The following CPNE4 variants were observed in gnomAD, a reference collection of about 807,000 sequenced individuals.
CPNE4 encodes copine 4, also known as copine-4.
CPNE4 carries 25 observed loss-of-function variants against 67.9 expected under a neutral mutation model. The ratio of observed to expected loss-of-function variants is 0.37; its 90% CI spans 0.27 to 0.51. CPNE4 has a LOEUF of 0.51. CPNE4 is among the 20% of genes least tolerant of loss of function. The probability of loss-of-function intolerance (pLI) is 0.93; values close to 1 mark genes in which losing one functional copy is unlikely to be tolerated. For missense variants in CPNE4, 464 were observed against 690.8 expected, an observed-to-expected ratio of 0.67 and a Z score of 3.68; for synonymous variants, 242 against 244.9, an observed-to-expected ratio of 0.99 and a Z score of 0.11.
chr3:131,704,670 A>G (rs973516712), intron 3 of CPNE4, among the ~76,000 whole-genome samples: 3 of 152,306 alleles, frequency 2.0e-5, no homozygotes, highest in Non-Finnish European at 4.4e-5. Flanking sequence ...TGGAACACTT[A>G]ATGCTAATTA....
intron 2 of CPNE4, among the ~76,000 whole-genome samples, chr3:131,841,592 A>C (rs1341332262): frequency 1.3e-5 from 2 of 152,206 alleles, no homozygotes; most frequent in Non-Finnish European, 2.9e-5. Context: ...TCTGAGTCTG[A>C]AGTGGAACAG....
chr3:131,960,373 A>T (rs1200985294), intron 1 of CPNE4, among the ~76,000 whole-genome samples: 1 of 152,194 alleles, frequency 6.6e-6, no homozygotes. Context: ...CCAAAACTTT[A>T]GAGATAGATG....
At chr3:131,766,955 GT>G (rs1369688069) in intron 2 of CPNE4, among the ~76,000 whole-genome samples, 1 of 152,188 alleles carries the variant, frequency 6.6e-6, no homozygotes, top group East Asian at 1.9e-4. Flanking sequence ...CAAATAACAT[GT>G]TGCTAACATT....
At chr3:131,891,087 G>A (rs887883444) in intron 2 of CPNE4, among the ~76,000 whole-genome samples, 4 of 151,870 alleles carry the variant, frequency 2.6e-5, no homozygotes, top group Non-Finnish European at 4.4e-5. Context: ...TCATGTTAAG[G>A]GTTCTTAGCA....
intron 1 of CPNE4, among the ~76,000 whole-genome samples, chr3:131,963,632 G>A (rs186072900): frequency 3.9e-5 from 6 of 152,264 alleles, no homozygotes; most frequent in Admixed American, 1.3e-4. Flanking sequence ...CGGGAAGTTC[G>A]GCAAAACTCA....
At chr3:131,922,496 TAAGAA>T (rs1355176987) in intron 1 of CPNE4, among the ~76,000 whole-genome samples, 1 of 152,168 alleles carries the variant, frequency 6.6e-6, no homozygotes, top group African/African-American at 2.4e-5. Flanking sequence ...TTGGAGAGGC[TAAGAA>T]AAGAAGACAG....
chr3:131,814,491 T>C (rs2107949313), intron 2 of CPNE4, among the ~76,000 whole-genome samples: 1 of 151,038 alleles, frequency 6.6e-6, no homozygotes, highest in Middle Eastern at 3.5e-3. Flanking sequence ...CTAGGAATAC[T>C]TGACAAACAT....
chr3:131,552,563 G>T lies in CPNE4; in HGVS notation c.1117-72C>A, dbSNP rs571967124. 192 of 1,273,048 alleles carry T rather than the reference G, an allele frequency of 1.5e-4. No individual in the cohort carries two copies. In the African/African-American group the frequency reaches 2.0e-3, roughly 14 times the overall value. The allele number at this position is 1,273,048 out of a possible 1,614,324, so 78.9% of individuals were successfully genotyped here. ...AACTTTAATCCAGTAAGAAGGCACT[G>T]GGGTTTAGAGTTTGCAAACAAATGC... On this transcript the variant is annotated intron_variant, in intron 12 of 15. Coordinates refer to ENST00000429747, the MANE Select transcript of CPNE4 (RefSeq NM_130808.3).
At chr3:131,858,822 A>G (rs1271498805) in intron 2 of CPNE4, among the ~76,000 whole-genome samples, 1 of 152,148 alleles carries the variant, frequency 6.6e-6, no homozygotes, top group African/African-American at 2.4e-5. Context: ...TCTTTACAAA[A>G]TTGCAATTTG....
chr3:131,543,012 C>T (rs1935609259), intron 14 of CPNE4: 11 of 526,604 alleles, frequency 2.1e-5, no homozygotes, highest in South Asian at 2.0e-4. Flanking sequence ...ATTATAATAA[C>T]TACCTCACTG....
At chr3:131,857,936 T>C (rs567655342) in intron 2 of CPNE4, among the ~76,000 whole-genome samples, 2 of 152,198 alleles carry the variant, frequency 1.3e-5, no homozygotes, top group South Asian at 2.1e-4. Flanking sequence ...GTAGCCCATA[T>C]AAATATTACC....
At chr3:131,702,458 G>T in intron 3 of CPNE4, among the ~76,000 whole-genome samples, 1 of 152,126 alleles carries the variant, frequency 6.6e-6, no homozygotes, top group East Asian at 1.9e-4. Flanking sequence ...CAAAACAAGG[G>T]TCATCTGTAA....
At chr3:131,801,452 G>GTGTGTGTGTGTATATATATATA (rs761978890) in intron 2 of CPNE4, among the ~76,000 whole-genome samples, 1 of 53,384 alleles carries the variant, frequency 1.9e-5, no homozygotes, top group African/African-American at 7.8e-5. Flanking sequence ...GTGTGTGTGT[G>GTGTGTGTGTGTATATATATATA]TATATATATA....
At chr3:132,022,723 AT>A (rs2074024311) in intron 1 of CPNE4, among the ~76,000 whole-genome samples, 1 of 152,180 alleles carries the variant, frequency 6.6e-6, no homozygotes, top group Admixed American at 6.5e-5. Context: ...AAACATCTGG[AT>A]AAAAATTTTA....
intron 2 of CPNE4, among the ~76,000 whole-genome samples, chr3:131,834,172 T>C (rs1333177971): frequency 6.6e-6 from 1 of 152,234 alleles, no homozygotes; most frequent in East Asian, 1.9e-4. Context: ...CAGACTACAG[T>C]GAAAGCTTGT....
intron 1 of CPNE4, among the ~76,000 whole-genome samples, chr3:131,917,493 A>C (rs2070595473): frequency 6.6e-6 from 1 of 152,122 alleles, no homozygotes; most frequent in African/African-American, 2.4e-5. Flanking sequence ...GCCACTACAG[A>C]CATGGAAGGA....
At chr3:131,673,297 G>C (rs1267462356) in intron 6 of CPNE4, among the ~76,000 whole-genome samples, 4 of 152,002 alleles carry the variant, frequency 2.6e-5, no homozygotes, top group Non-Finnish European at 5.9e-5. Context: ...TTTTTGCTTA[G>C]GATAGCTTCG....
chr3:131,594,688 A>G (rs1165376017), intron 7 of CPNE4, among the ~76,000 whole-genome samples: 5 of 152,180 alleles, frequency 3.3e-5, no homozygotes, highest in Non-Finnish European at 5.9e-5. Flanking sequence ...AAAAGCAAAA[A>G]TAGATAGGTA....
intron 2 of CPNE4, among the ~76,000 whole-genome samples, chr3:131,808,393 TAAGA>T (rs2084401522): frequency 6.6e-6 from 1 of 151,998 alleles, no homozygotes; most frequent in Non-Finnish European, 1.5e-5. Flanking sequence ...ATAGGAACTA[TAAGA>T]AAAAGTCAAA....
Sources: gnomAD v4.1 joint callset for allele counts (sites outside exome capture counted in the v4.1 genomes callset) on GRCh38, gnomAD v4.1.1 for gene constraint, MANE v1.5 for transcripts, NCBI Gene and HGNC (gene_info 2026-07-23, HGNC 2026-07-21) for gene names.